Variants in JARID2 observed in about 807,000 individuals in gnomAD.
JARID2 encodes jumonji and AT-rich interaction domain containing 2.
A neutral mutation model predicts 125.6 loss-of-function variants in JARID2; 21 were observed. The ratio of observed to expected loss-of-function variants is 0.17; its 90% CI spans 0.12 to 0.24. The LOEUF (loss-of-function observed/expected upper bound fraction) is 0.24, where lower values mean the gene tolerates loss of function less well. Ranked by LOEUF, JARID2 falls within the 10% of genes least tolerant of loss-of-function variation. JARID2 has a pLI of 1.00. For synonymous variants in JARID2, 736 were observed against 661.6 expected (o/e 1.11, Z -1.73); for missense variants, 1,303 against 1,639.6 (o/e 0.79, Z 3.55).
Position 15,391,105 on chromosome 6 carries a change from A to G in JARID2, c.181+16853A>G, listed in dbSNP as rs565771754. Among the ~76,000 whole-genome samples the G allele has an allele frequency of 3.3e-5, 5 of 151,864 alleles. No homozygotes were observed. The South Asian group carries it at 8.4e-4, about 25-fold the overall frequency. ...TTCCTATTTGTGCTGTAGCTTTGTC[A>G]TGAAGCAGGACACCTAAGGGACGGT... On this transcript the variant is annotated intron_variant, in intron 2 of 17. Transcript: ENST00000341776.
At position 15,259,056 on chromosome 6, in the gene JARID2, A is replaced by G. The variant is rs535450411; in HGVS notation, c.45+12472A>G. Among the ~76,000 whole-genome samples the G allele has an allele frequency of 1.1e-4, 16 of 152,270 alleles. No homozygotes were observed. The South Asian group carries it at 2.3e-3, about 22-fold the overall frequency. On this transcript the variant is annotated intron_variant, in intron 1 of 17. Coordinates refer to ENST00000341776, the MANE Select transcript of JARID2 (RefSeq NM_004973.4). ...AGTGTGAGTCTCTTTACACCCAGAC[A>G]TATTTTTGGATGGATGGGATTTTTA...
rs1280870500 is a variant in JARID2, at chr6:15,520,816, A to G, written c.*565A>G. On this transcript the variant is annotated 3_prime_UTR_variant, in exon 18 of 18. Transcript: ENST00000341776. The stretch of plus-strand genomic sequence containing the variant: ...TTTTGTTTCTCTGGGCGGTTGTGGC[A>G]GCTGAAGGCGGACGTTGTTTCCTAA... The G allele has an allele frequency of 2.2e-6, 1 of 456,028 alleles. No homozygotes were observed. The highest frequency in any genetic ancestry group is 4.4e-6 in the Non-Finnish European group (1 of 226,780). The allele number at this position is 456,028 out of a possible 1,614,324, so 28.2% of individuals were successfully genotyped here.
intron 3 of JARID2, among the ~76,000 whole-genome samples, chr6:15,426,785 A>T (rs1376288989): frequency 6.6e-6 from 1 of 152,220 alleles, no homozygotes; most frequent in African/African-American, 2.4e-5. Flanking sequence ...ATTCTTGGAT[A>T]ATTACAAGGA....
At chr6:15,439,389 A>G (rs926284965) in intron 3 of JARID2, among the ~76,000 whole-genome samples, 1 of 152,128 alleles carries the variant, frequency 6.6e-6, no homozygotes, top group African/African-American at 2.4e-5. Flanking sequence ...ACTCCTGGTT[A>G]TACTTTTGAT....
intron 3 of JARID2, among the ~76,000 whole-genome samples, chr6:15,439,050 G>T (rs1415984725): frequency 6.9e-6 from 1 of 145,310 alleles, no homozygotes; most frequent in Non-Finnish European, 1.5e-5. Context: ...AAAAAAAAAG[G>T]TGTGGGGGGT....
At chr6:15,388,108 A>G (rs1298591869) in intron 2 of JARID2, among the ~76,000 whole-genome samples, 1 of 152,194 alleles carries the variant, frequency 6.6e-6, no homozygotes. Context: ...TGTTTTCTAA[A>G]TCTTCGAATT....
intron 5 of JARID2, among the ~76,000 whole-genome samples, chr6:15,481,434 G>A (rs536898515): frequency 1.3e-5 from 2 of 152,128 alleles, no homozygotes; most frequent in South Asian, 4.2e-4. Context: ...ATGTTCACAG[G>A]GTTTAATCTT....
chr6:15,380,540 G>A (rs1764540374), intron 2 of JARID2, among the ~76,000 whole-genome samples: 1 of 152,158 alleles, frequency 6.6e-6, no homozygotes, highest in Non-Finnish European at 1.5e-5. Context: ...AGAGTTTTGT[G>A]TTTTTAATGC....
At chr6:15,334,961 C>A (rs1034442774) in intron 1 of JARID2, among the ~76,000 whole-genome samples, 2 of 152,090 alleles carry the variant, frequency 1.3e-5, no homozygotes, top group African/African-American at 4.8e-5. Flanking sequence ...CTTCATGATG[C>A]AGATTATTAA....
intron 1 of JARID2, among the ~76,000 whole-genome samples, chr6:15,368,471 G>C (rs2127505897): frequency 6.6e-6 from 1 of 152,264 alleles, no homozygotes; most frequent in East Asian, 1.9e-4. Context: ...GACTGTGCAT[G>C]GAAATAGAAT....
chr6:15,309,848 C>T (rs1172237053), intron 1 of JARID2, among the ~76,000 whole-genome samples: 3 of 151,936 alleles, frequency 2.0e-5, no homozygotes, highest in African/African-American at 7.3e-5. Flanking sequence ...GTGGAAAGCC[C>T]AGAGGTGAGA....
chr6:15,459,610 A>AT (rs895482855), intron 4 of JARID2, among the ~76,000 whole-genome samples: 5 of 152,264 alleles, frequency 3.3e-5, no homozygotes, highest in African/African-American at 1.2e-4. Context: ...AGATTATTAG[A>AT]TTTTGGATTT....
intron 3 of JARID2, among the ~76,000 whole-genome samples, chr6:15,443,197 T>C (rs1260337863): frequency 6.6e-6 from 1 of 152,026 alleles, no homozygotes; most frequent in Non-Finnish European, 1.5e-5. Context: ...GTGGTGGTGA[T>C]GTTTGGATTT....
chr6:15,424,355 C>T (rs1766631977), intron 3 of JARID2, among the ~76,000 whole-genome samples: 1 of 152,154 alleles, frequency 6.6e-6, no homozygotes, highest in Non-Finnish European at 1.5e-5. Flanking sequence ...CTCCACAATC[C>T]TCCAAATGTT....
At chr6:15,281,546 T>A (rs1561766733) in intron 1 of JARID2, among the ~76,000 whole-genome samples, 1 of 152,228 alleles carries the variant, frequency 6.6e-6, no homozygotes, top group Non-Finnish European at 1.5e-5. Context: ...ACATGCATGT[T>A]TATGTAAACA....
chr6:15,351,498 G>A (rs1399875290), intron 1 of JARID2, among the ~76,000 whole-genome samples: 2 of 152,158 alleles, frequency 1.3e-5, no homozygotes, highest in East Asian at 3.9e-4. Context: ...GGGTTCAAAT[G>A]AGCAGATCTT....
At chr6:15,268,843 T>C (rs1429660604) in intron 1 of JARID2, among the ~76,000 whole-genome samples, 1 of 152,174 alleles carries the variant, frequency 6.6e-6, no homozygotes, top group Non-Finnish European at 1.5e-5. Flanking sequence ...TTAGTGAGAC[T>C]ACAGAACAAA....
chr6:15,494,891 G>C (rs1770334938), intron 6 of JARID2, among the ~76,000 whole-genome samples: 1 of 152,176 alleles, frequency 6.6e-6, no homozygotes, highest in Admixed American at 6.5e-5. Flanking sequence ...CAGCTCTCCT[G>C]ACCAGGAAGT....
At chr6:15,322,159 A>G (rs1317696033) in intron 1 of JARID2, among the ~76,000 whole-genome samples, 2 of 152,228 alleles carry the variant, frequency 1.3e-5, no homozygotes, top group Admixed American at 6.5e-5. Context: ...GTTTGGTAGC[A>G]TGAAAAACAC....
Sources: allele counts gnomAD v4.1 joint callset (sites outside exome capture counted in the v4.1 genomes callset), GRCh38; gene constraint gnomAD v4.1.1; transcripts MANE v1.5; gene names NCBI Gene and HGNC (gene_info 2026-07-23, HGNC 2026-07-21).